Variants in POLE2 observed in about 807,000 individuals in gnomAD.
The protein encoded by POLE2 is DNA polymerase epsilon 2, accessory subunit.
A neutral mutation model predicts 79.4 loss-of-function variants in POLE2; 56 were observed. The observed-to-expected ratio is 0.71, with a 90% CI of 0.57 to 0.88. POLE2 has a LOEUF of 0.88. Among genes scored for constraint, POLE2 ranks in the 40% least tolerant of loss-of-function variants. The pLI is 0.00. For missense variants in POLE2, 598 were observed against 638.9 expected, an observed-to-expected ratio of 0.94 and a Z score of 0.69; for synonymous variants, 212 against 214.0, an observed-to-expected ratio of 0.99 and a Z score of 0.08.
intron 3 of POLE2, among the ~76,000 whole-genome samples, chr14:49,675,519 C>T (rs12883731): frequency 0.24 from 36,801 of 151,922 alleles, 5,465 homozygotes; most frequent in African/African-American, 0.41. Flanking sequence ...GCAACCTCTT[C>T]CTCCCGGCCT....
At chr14:49,686,642 C>G (rs1235933581) in intron 1 of POLE2, among the ~76,000 whole-genome samples, 1 of 152,196 alleles carries the variant, frequency 6.6e-6, no homozygotes, top group Non-Finnish European at 1.5e-5. Context: ...AATACATTAT[C>G]TGCCCCCTAC....
intron 2 of POLE2, among the ~76,000 whole-genome samples, 166 bp downstream of exon 2, chr14:49,683,427 A>G (rs1462548477): frequency 2.0e-5 from 3 of 151,106 alleles, no homozygotes; most frequent in Non-Finnish European, 4.4e-5. Context: ...AAAAATTAAA[A>G]TAAACTAAAG....
At chr14:49,686,997 T>G (rs1337635500) in intron 1 of POLE2, among the ~76,000 whole-genome samples, 2 of 152,040 alleles carry the variant, frequency 1.3e-5, no homozygotes, top group African/African-American at 2.4e-5. Flanking sequence ...AAATATTGTG[T>G]TCTAGGTCAG....
At position 49,678,005 on chromosome 14, in the gene POLE2, T is replaced by TTA. The variant is rs1303108317; in HGVS notation, c.245+1719_245+1720insTA. On this transcript the variant is annotated intron_variant, in intron 3 of 18. Coordinates refer to ENST00000216367, the MANE Select transcript of POLE2 (RefSeq NM_002692.4). ...CTTTATTTTATTTTATTTATTTTAT[T>TTA]TTTTTTTTTTTGAGAGACAAGTCTC... 4.5e-3 allele frequency: 660 copies of TTA among 145,294 alleles called. 5 individuals are homozygous for TTA. The highest frequency in any genetic ancestry group is 0.021 in the African/African-American group (635 of 29,814). 9.0% of individuals were successfully genotyped at this position (145,294 alleles called of 1,614,324 possible).
At position 49,655,741 on chromosome 14, in the gene POLE2, CAT is replaced by C. The variant is rs773205235; in HGVS notation, c.856_857del (p.Met286ValfsTer6). The C allele has an allele frequency of 6.2e-7, 1 of 1,611,992 alleles. No individual in the cohort carries two copies. Among genetic ancestry groups the C allele is most frequent in the Non-Finnish European group, 8.5e-7 (1 of 1,178,686 alleles). ...KQLEEENKDA[M>X]FVFLSDVWLD... is the part of the protein sequence containing the mutation. ...ACCAAACATCAGATAAAAACACAAA[CAT>C]AGCATCTTTATTCTCCTCTTCTAGC... On this transcript the variant is annotated frameshift_variant, in exon 11 of 19. Transcript: ENST00000216367. LOFTEE classifies it high-confidence loss of function.
At chr14:49,666,508 A>G (rs1885505498) in intron 6 of POLE2, 95 bp from the exon 7 acceptor site, 1 of 468,392 alleles carries the variant, frequency 2.1e-6, no homozygotes, top group Non-Finnish European at 3.7e-6. Flanking sequence ...TATACATTTC[A>G]GCATTTATAG....
At chr14:49,686,662 GCTCT>G (rs934264252) in intron 1 of POLE2, among the ~76,000 whole-genome samples, 1 of 152,126 alleles carries the variant, frequency 6.6e-6, no homozygotes, top group African/African-American at 2.4e-5. Flanking sequence ...CAAAGCTCTT[GCTCT>G]CTATTGCACC....
chr14:49,655,070 C>A lies in POLE2; in HGVS notation c.953G>T (p.Cys318Phe), dbSNP rs1200312768. Residue 318 changes from cysteine to phenylalanine, a missense_variant, in exon 12 of 19, where the codon TGC becomes TTC. Cys to Phe is a radical substitution (Grantham distance 205). Transcript: ENST00000216367. ...FAGYSPAPPT[C>F]FILCGNFSSA... is the part of the protein sequence containing the mutation. The stretch of plus-strand genomic sequence containing the variant: ...TGAAAAATTACCACACAGAATAAAG[C>A]AGGTTGGAGGTGCTGGTGAATAACC... The A allele has an allele frequency of 1.3e-6, 2 of 1,561,630 alleles. No homozygotes were observed. The highest frequency in any genetic ancestry group is 3.6e-5 in the Admixed American group (2 of 55,440).
At chr14:49,666,291 C>G in intron 7 of POLE2, 39 bp downstream of exon 7, 1 of 1,034,394 alleles carries the variant, frequency 9.7e-7, no homozygotes, top group Non-Finnish European at 1.5e-6. Context: ...TTTCATCAAT[C>G]CAAGGCCAAA....
At chr14:49,665,201 A>C (rs756992243) in intron 7 of POLE2, 38 bp from the exon 8 acceptor site, 2 of 866,598 alleles carry the variant, frequency 2.3e-6, no homozygotes, top group Non-Finnish European at 3.8e-6. Context: ...CATTTATGTA[A>C]CAATGAAAAC....
At chr14:49,680,242 C>T (rs1594615764) in intron 2 of POLE2, among the ~76,000 whole-genome samples, 3 of 152,046 alleles carry the variant, frequency 2.0e-5, no homozygotes, top group East Asian at 3.9e-4. Context: ...CCCAGATACT[C>T]AGGAGGCCAA....
At chr14:49,683,028 G>C (rs1886844832) in intron 2 of POLE2, among the ~76,000 whole-genome samples, 1 of 151,072 alleles carries the variant, frequency 6.6e-6, no homozygotes, top group Non-Finnish European at 1.5e-5. Context: ...ACCTCCACTG[G>C]GGGAAAGGAA....
chr14:49,657,112 CAAA>C (rs35156256), intron 10 of POLE2, among the ~76,000 whole-genome samples: 1 of 123,102 alleles, frequency 8.1e-6, no homozygotes, highest in Admixed American at 8.0e-5. Context: ...GATTTTGCCT[CAAA>C]AAAAAAAAAA....
At chr14:49,678,790 G>A (rs1012719153) in intron 3 of POLE2, among the ~76,000 whole-genome samples, 3 of 152,010 alleles carry the variant, frequency 2.0e-5, no homozygotes, top group Admixed American at 1.3e-4. Context: ...CCAAGTAGCT[G>A]GGATTACAGG....
At chr14:49,651,726 C>T (rs1884250693) in intron 15 of POLE2, among the ~76,000 whole-genome samples, 1 of 152,020 alleles carries the variant, frequency 6.6e-6, no homozygotes, top group Admixed American at 6.6e-5. Context: ...CTAAGAGGGA[C>T]AGCATATGTG....
chr14:49,677,620 G>C, intron 3 of POLE2: 5 of 595,518 alleles, frequency 8.4e-6, no homozygotes, highest in Non-Finnish European at 1.5e-5. Flanking sequence ...TTGATGAACA[G>C]ACTGATGTCT....
chr14:49,645,058 AC>A (rs1216429075), intron 18 of POLE2, among the ~76,000 whole-genome samples: 2 of 151,798 alleles, frequency 1.3e-5, no homozygotes, highest in Non-Finnish European at 2.9e-5. Context: ...AAAAAAAAAA[AC>A]ACTGCAGTAA....
rs554307927 is a variant in POLE2 at position 49,651,365 on chromosome 14, A to G, written c.1224T>C (p.Cys408=). 33 of 1,475,760 alleles carry G rather than the reference A, an allele frequency of 2.2e-5. No homozygotes were observed. The highest frequency in any genetic ancestry group is 6.8e-5 in the East Asian group (3 of 43,924). The allele number at this position is 1,475,760 out of a possible 1,614,324, so 91.4% of individuals were successfully genotyped here. ...CACGGAAGACAGTAATTTCCTGTGT[A>G]CAGTACTGAATTCTGAAATGAAAAC... is the stretch of plus-strand genomic sequence containing the variant. ...FTTNPCRIQY[C]TQEITVFRED... is the part of the protein sequence containing the mutation. The change falls in exon 16 of 19, where the codon TGT becomes TGC. Residue 408 remains cysteine, a synonymous_variant. Transcript: ENST00000216367.
chr14:49,683,493 T>C lies in POLE2; in HGVS notation c.169+100A>G, dbSNP rs952039785. 3.4e-5 allele frequency: 21 copies of C among 624,826 alleles called. No individual in the cohort carries two copies. In the African/African-American group the frequency reaches 3.8e-4, roughly 11 times the overall value. 38.7% of individuals were successfully genotyped at this position (624,826 alleles called of 1,614,324 possible). On this transcript the variant is annotated intron_variant, in intron 2 of 18. Coordinates refer to ENST00000216367, the MANE Select transcript of POLE2 (RefSeq NM_002692.4). ...GCATACATCTTATAACACTGGGACA[T>C]CTTAATAGTGAAGCCTCAACTTCAA...
Sources: allele counts gnomAD v4.1 joint callset (sites outside exome capture counted in the v4.1 genomes callset), GRCh38; gene constraint gnomAD v4.1.1; transcripts MANE v1.5; gene names NCBI Gene and HGNC (gene_info 2026-07-23, HGNC 2026-07-21).